The following SUSD1 variants were observed in gnomAD, a reference collection of about 807,000 sequenced individuals.
The protein encoded by SUSD1 is sushi domain-containing protein 1.
Under a neutral mutation model 86.9 loss-of-function variants are expected in SUSD1, and 65 were observed. The observed-to-expected ratio is 0.75, with a 90% confidence interval of 0.61 to 0.92. SUSD1 has a LOEUF of 0.92. Ranked by LOEUF, SUSD1 falls within the 40% of genes least tolerant of loss-of-function variation. The pLI, the probability that SUSD1 is intolerant of heterozygous loss-of-function variation, is 0.00. For missense variants in SUSD1, 850 were observed against 929.7 expected (o/e 0.91, Z 1.11); for synonymous variants, 346 against 350.0 (o/e 0.99, Z 0.13).
At chr9:112,159,318 T>C (rs1833467762) in intron 1 of SUSD1, among the ~76,000 whole-genome samples, 1 of 152,172 alleles carries the variant, frequency 6.6e-6, no homozygotes, top group Non-Finnish European at 1.5e-5. Context: ...TAAGACAGCC[T>C]AGCCCTTAGG....
chr9:112,111,922 T>G, intron 7 of SUSD1, 82 bp from the exon 8 acceptor site: 8 of 1,410,586 alleles, frequency 5.7e-6, no homozygotes, highest in Non-Finnish European at 7.8e-6. Context: ...CCCATTCTCC[T>G]ACTATTCTAT....
chr9:112,043,556 T>G (rs192853919), intron 15 of SUSD1, among the ~76,000 whole-genome samples: 28 of 152,180 alleles, frequency 1.8e-4, no homozygotes, highest in African/African-American at 6.5e-4. Flanking sequence ...AAAACTCCAG[T>G]CTCCCATACA....
intron 8 of SUSD1, among the ~76,000 whole-genome samples, chr9:112,104,527 G>C (rs567845381): frequency 2.6e-5 from 4 of 152,226 alleles, no homozygotes; most frequent in African/African-American, 9.6e-5. Flanking sequence ...TTGACAGAAG[G>C]GGCTTGCCTC....
intron 5 of SUSD1, among the ~76,000 whole-genome samples, chr9:112,125,579 A>G (rs557477235): frequency 2.0e-5 from 3 of 152,322 alleles, no homozygotes; most frequent in Admixed American, 6.5e-5. Context: ...CAGAGAAAAA[A>G]AAAGAAAGAA....
intron 6 of SUSD1, among the ~76,000 whole-genome samples, chr9:112,115,095 C>T (rs1207387690): frequency 6.6e-6 from 1 of 152,178 alleles, no homozygotes; most frequent in African/African-American, 2.4e-5. Context: ...GAAAATGACT[C>T]TCCACAACTC....
At chr9:112,120,193 G>A (rs368667728) in intron 6 of SUSD1, among the ~76,000 whole-genome samples, 23 of 152,288 alleles carry the variant, frequency 1.5e-4, no homozygotes, top group African/African-American at 4.8e-4. Context: ...TGTAGTCCCA[G>A]CTGCTTGGGA....
intron 1 of SUSD1, among the ~76,000 whole-genome samples, chr9:112,170,710 T>TATATATATATATAGAG (rs758442726): frequency 7.6e-4 from 86 of 113,812 alleles, no homozygotes; most frequent in African/African-American, 1.7e-3. Context: ...TATATATATA[T>TATATATATATATAGAG]AGAGAGAGAG....
At chr9:112,048,485 A>T (rs1402000531) in intron 15 of SUSD1, among the ~76,000 whole-genome samples, 1 of 152,194 alleles carries the variant, frequency 6.6e-6, no homozygotes, top group Non-Finnish European at 1.5e-5. Flanking sequence ...TTATTTGATA[A>T]GTATTGCACC....
chr9:112,108,202 C>T (rs961953279), intron 8 of SUSD1, among the ~76,000 whole-genome samples: 7 of 152,108 alleles, frequency 4.6e-5, no homozygotes, highest in African/African-American at 1.7e-4. Context: ...TATTAAAACA[C>T]TCATAAATAA....
At chr9:112,122,026 G>A (rs989488401) in intron 6 of SUSD1, among the ~76,000 whole-genome samples, 4 of 152,156 alleles carry the variant, frequency 2.6e-5, no homozygotes, top group South Asian at 4.1e-4. Flanking sequence ...TATCTTATTC[G>A]ATTCCTTTTC....
intron 6 of SUSD1, among the ~76,000 whole-genome samples, chr9:112,118,112 T>C (rs1387699777): frequency 6.6e-6 from 1 of 152,196 alleles, no homozygotes; most frequent in African/African-American, 2.4e-5. Flanking sequence ...CAAAAGGTCA[T>C]AGAGAATAAA....
intron 6 of SUSD1, among the ~76,000 whole-genome samples, chr9:112,121,981 G>A (rs1019049446): frequency 1.3e-5 from 2 of 152,124 alleles, no homozygotes; most frequent in Non-Finnish European, 2.9e-5. Flanking sequence ...ACATGTGCAT[G>A]GTGCTTTCAG....
At position 112,058,483 on chromosome 9, in the gene SUSD1, A is replaced by C. The variant is rs1350945131; in HGVS notation, c.2054T>G (p.Leu685Trp). Residue 685 changes from leucine to tryptophan, a missense_variant, in exon 14 of 17, where the codon TTG becomes TGG. Leu to Trp is a moderately conservative substitution (Grantham distance 61, BLOSUM62 -2). Transcript: ENST00000374270. ...AATGCAGTAATCACTCCCTCTTTTC[A>C]AGGGTGCATTATAATATTCCCCATA... Reference protein sequence around the residue: ...LYYGEYYNAPLKRGSDYCIIL... With the variant: ...LYYGEYYNAPWKRGSDYCIIL... 1.2e-6 allele frequency: 2 copies of C among 1,614,142 alleles called. No individual in the cohort carries two copies. The highest frequency in any genetic ancestry group is 4.5e-5 in the East Asian group (2 of 44,888).
At chr9:112,092,269 T>C (rs1274549122) in intron 10 of SUSD1, among the ~76,000 whole-genome samples, 1 of 152,228 alleles carries the variant, frequency 6.6e-6, no homozygotes, top group Non-Finnish European at 1.5e-5. Flanking sequence ...TTCTAATGCA[T>C]CTTTTCTGCC....
At chr9:112,145,488 G>A (rs1184016663) in intron 3 of SUSD1, among the ~76,000 whole-genome samples, 1 of 151,880 alleles carries the variant, frequency 6.6e-6, no homozygotes, top group African/African-American at 2.4e-5. Context: ...CACCATGTTG[G>A]CCAGGCTGGT....
At chr9:112,054,129 T>G (rs1589581270) in intron 14 of SUSD1, among the ~76,000 whole-genome samples, 1 of 152,170 alleles carries the variant, frequency 6.6e-6, no homozygotes, top group African/African-American at 2.4e-5. Flanking sequence ...ACTCCCTGAT[T>G]TCAAAATTTA....
chr9:112,095,222 A>G (rs1364167601), intron 10 of SUSD1, among the ~76,000 whole-genome samples: 2 of 152,258 alleles, frequency 1.3e-5, no homozygotes, highest in African/African-American at 4.8e-5. Flanking sequence ...TCTAAGTCTG[A>G]AAACAAAAAG....
At chr9:112,076,595 G>A (rs1829525328) in intron 12 of SUSD1, among the ~76,000 whole-genome samples, 2 of 152,146 alleles carry the variant, frequency 1.3e-5, no homozygotes. Flanking sequence ...TAGAAGTTGG[G>A]TGGATATAGG....
intron 3 of SUSD1, among the ~76,000 whole-genome samples, chr9:112,148,949 A>C (rs1175775496): frequency 1.3e-5 from 2 of 151,792 alleles, no homozygotes; most frequent in African/African-American, 2.4e-5. Context: ...TGAAAGAAAA[A>C]GAATATTACA....
Sources: allele counts gnomAD v4.1 joint callset (sites outside exome capture counted in the v4.1 genomes callset), GRCh38; gene constraint gnomAD v4.1.1; transcripts MANE v1.5; gene names NCBI Gene and HGNC (gene_info 2026-07-23, HGNC 2026-07-21).